The following EMC1 variants were observed in gnomAD, a reference collection of about 807,000 sequenced individuals.
The protein encoded by EMC1 is KIAA0090.
EMC1 carries 103 observed loss-of-function variants against 128.8 expected under a neutral mutation model. That is an observed-to-expected ratio of 0.80 (90% CI 0.68 to 0.94). The LOEUF (loss-of-function observed/expected upper bound fraction) is 0.94. EMC1 is among the 40% of genes least tolerant of loss of function. The pLI is 0.00. For synonymous variants in EMC1, 442 were observed against 490.4 expected, an observed-to-expected ratio of 0.90 and a Z score of 1.30; for missense variants, 1,083 against 1,250.6, an observed-to-expected ratio of 0.87 and a Z score of 2.02.
rs969292685 is a variant in EMC1 at position 19,220,922 on chromosome 1, C to T, written c.2588-74G>A. 33 of 1,072,452 alleles carry T rather than the reference C, an allele frequency of 3.1e-5. No homozygotes were observed. In the East Asian group the frequency reaches 7.6e-4, roughly 25 times the overall value. The allele number at this position is 1,072,452 out of a possible 1,614,324, so 66.4% of individuals were successfully genotyped here. Reference sequence around the variant, plus strand: ...GCCAGTTACAAAAATGTCATTATTGCAGACATTTAAATAAGAATTTAAAAC... The same window carrying T: ...GCCAGTTACAAAAATGTCATTATTGTAGACATTTAAATAAGAATTTAAAAC... On this transcript the variant is annotated intron_variant, in intron 20 of 22. Transcript: ENST00000477853.
chr1:19,230,865 C>G lies in EMC1; in HGVS notation c.2043G>C (p.Leu681=). The G allele has an allele frequency of 6.2e-7, 1 of 1,614,212 alleles. No individual in the cohort carries two copies. The highest frequency in any genetic ancestry group is 8.5e-7 in the Non-Finnish European group (1 of 1,180,038). The change falls in exon 17 of 23, where the codon CTG becomes CTC. Residue 681 remains leucine, a synonymous_variant. Transcript: ENST00000477853. ...CTACCTTTCGAAGCCGATATCCACA[C>G]AGCCGTCCCTGCTCTGCATCCACCA... The part of the protein sequence containing the change: ...FYLVDAEQGR[L]CGYRLRKDLT...
Position 19,232,687 on chromosome 1 carries a change from C to T in EMC1, c.1719G>A (p.Met573Ile). Residue 573 changes from methionine to isoleucine, a missense_variant, in exon 15 of 23, where the codon ATG becomes ATA. Transcript: ENST00000477853. Reference protein sequence around the residue: ...NVKPDSSFKLMVQRTTAHFPH... With the variant: ...NVKPDSSFKLIVQRTTAHFPH... ...GGAAATGAGCAGTAGTTCTCTGGAC[C>T]ATCAGTTTAAAGGAGGAGTCTGGCT... is the stretch of plus-strand genomic sequence containing the variant. 6.2e-7 allele frequency: 1 copy of T among 1,614,164 alleles called. No individual in the cohort carries two copies. The highest frequency in any genetic ancestry group is 8.5e-7 in the Non-Finnish European group (1 of 1,180,020).
chr1:19,224,928 T>C (rs1178935703), intron 18 of EMC1, among the ~76,000 whole-genome samples: 2 of 152,184 alleles, frequency 1.3e-5, no homozygotes, highest in Admixed American at 1.3e-4. Flanking sequence ...TCCCCGCAGC[T>C]ACCCACACAA....
Position 19,219,565 on chromosome 1 carries a change from T to C in EMC1, c.2802+4A>G, listed in dbSNP as rs922706368. ...GAAATAGGGCAGCTGTGGGCTCTAC[T>C]CACCAAACAAGTGGACTCCAGACCC... On this transcript the variant is annotated splice_donor_region_variant and intron_variant, in intron 22 of 22. Coordinates refer to ENST00000477853, the MANE Select transcript of EMC1 (RefSeq NM_015047.3). 6.2e-7 allele frequency: 1 copy of C among 1,614,086 alleles called. No homozygotes were observed.
At position 19,235,175 on chromosome 1, in the gene EMC1, T is replaced by A; in HGVS notation, c.1387A>T (p.Thr463Ser). Reference protein sequence around the residue: ...VCLEMVDLPLTGAQAELEGEF... With the variant: ...VCLEMVDLPLSGAQAELEGEF... ...CCTTCCAGCTCGGCCTGTGCCCCAG[T>A]CAGGGGGAGGTCCACCATCTCTAGG... The change falls in exon 13 of 23, where the codon ACT (threonine) becomes TCT (serine). Residue 463 changes from threonine (T) to serine (S), a missense_variant. Transcript: ENST00000477853. 6.2e-7 allele frequency: 1 copy of A among 1,614,056 alleles called. No homozygotes were observed. Among genetic ancestry groups the A allele is most frequent in the Non-Finnish European group, 8.5e-7 (1 of 1,179,970 alleles).
intron 13 of EMC1, among the ~76,000 whole-genome samples, chr1:19,234,839 CTT>C (rs927445556): frequency 1.3e-5 from 2 of 151,190 alleles, no homozygotes; most frequent in African/African-American, 2.4e-5. Context: ...GAGCGAGACT[CTT>C]GTCTCAAAAA....
intron 2 of EMC1, 75 bp downstream of exon 2, chr1:19,244,831 C>T: frequency 1.3e-6 from 2 of 1,556,546 alleles, no homozygotes; most frequent in Admixed American, 1.7e-5. Flanking sequence ...ATTCAGGAAT[C>T]AGCCAGGCAG....
chr1:19,215,961 T>C lies in EMC1; in HGVS notation c.*3342A>G, dbSNP rs3208935. Reference sequence around the variant, plus strand: ...GCCTTGGCCTCCCAAAGTGCTGGGATTATAGGCTTGAGCCACCATGCCTCG... The same window carrying C: ...GCCTTGGCCTCCCAAAGTGCTGGGACTATAGGCTTGAGCCACCATGCCTCG... On this transcript the variant is annotated 3_prime_UTR_variant, in exon 23 of 23. Transcript: ENST00000477853. 2.0e-5 allele frequency: 3 copies of C among 152,156 alleles called. No individual in the cohort carries two copies. Among genetic ancestry groups the C allele is most frequent in the Non-Finnish European group, 4.4e-5 (3 of 68,026 alleles). The allele number at this position is 152,156 out of a possible 1,614,324, so 9.4% of individuals were successfully genotyped here. A position where few individuals can be genotyped will look rare whatever the true frequency, so the allele number is the denominator to read the frequency against.
chr1:19,238,243 G>A (rs1572015462), intron 10 of EMC1, 104 bp from the exon 11 acceptor site: 16 of 1,286,860 alleles, frequency 1.2e-5, no homozygotes, highest in Non-Finnish European at 1.7e-5. Context: ...GAAGGAGCCA[G>A]GCCAGAAGGG....
chr1:19,238,010 G>A lies in EMC1; in HGVS notation c.1212+7C>T. On this transcript the variant is annotated splice_region_variant and intron_variant, in intron 11 of 22. Transcript: ENST00000477853. ...AGGACAGTCTGCAAAGAAAGGCTCT[G>A]CCTTACCCGCTCAGGCCGAGTGCCG... 1 of 1,613,038 alleles carries A rather than the reference G, an allele frequency of 6.2e-7. No individual in the cohort carries two copies. The highest frequency in any genetic ancestry group is 8.5e-7 in the Non-Finnish European group (1 of 1,179,602).
chr1:19,236,695 C>T (rs780933186), intron 12 of EMC1, among the ~76,000 whole-genome samples: 27 of 147,650 alleles, frequency 1.8e-4, no homozygotes, highest in Non-Finnish European at 2.7e-4. Flanking sequence ...AGGCCAGGCA[C>T]GGTGGCTCAC....
intron 1 of EMC1, among the ~76,000 whole-genome samples, chr1:19,245,627 C>CTTT (rs539316345): frequency 2.4e-5 from 3 of 123,140 alleles, no homozygotes; most frequent in Non-Finnish European, 4.8e-5. Context: ...CCTTACCTTT[C>CTTT]TTTTTTTTTT....
chr1:19,217,611 T>C lies in EMC1; in HGVS notation c.*1692A>G, dbSNP rs1174089149. The C allele has an allele frequency of 6.6e-6, 1 of 152,178 alleles. No individual in the cohort carries two copies. The highest frequency in any genetic ancestry group is 1.5e-5 in the Non-Finnish European group (1 of 68,038). 9.4% of individuals were successfully genotyped at this position (152,178 alleles called of 1,614,324 possible). A position where few individuals can be genotyped will look rare whatever the true frequency, so the allele number is the denominator to read the frequency against. On this transcript the variant is annotated 3_prime_UTR_variant, in exon 23 of 23. Transcript: ENST00000477853. Reference sequence around the variant, plus strand: ...GACAAATACCTTCCCTCCCAGTAGCTTGTTTCAGATTCTGGCACACTGGTA... The same window carrying C: ...GACAAATACCTTCCCTCCCAGTAGCCTGTTTCAGATTCTGGCACACTGGTA...
At chr1:19,227,543 G>A in intron 17 of EMC1, 93 bp from the exon 18 acceptor site, 2 of 1,455,500 alleles carry the variant, frequency 1.4e-6, no homozygotes, top group Admixed American at 3.7e-5. Flanking sequence ...ATTATTTGAG[G>A]CCTTTGTGCA....
chr1:19,251,357 GAGAC>G, intron 1 of EMC1, 54 bp downstream of exon 1: 1 of 1,455,486 alleles, frequency 6.9e-7, no homozygotes, highest in Non-Finnish European at 9.6e-7. Context: ...TAGCAGGTAG[GAGAC>G]AGGTACTGGG....
chr1:19,243,827 C>T (rs2093619299), intron 3 of EMC1, 120 bp from the exon 4 acceptor site: 5 of 1,413,498 alleles, frequency 3.5e-6, no homozygotes, highest in Non-Finnish European at 5.0e-6. Flanking sequence ...TAAACAGGTA[C>T]CTGTCCTTCA....
At position 19,245,270 on chromosome 1, in the gene EMC1, T is replaced by G. The variant is rs149054897; in HGVS notation, c.96-240A>C. On this transcript the variant is annotated intron_variant, in intron 1 of 22. Coordinates refer to ENST00000477853, the MANE Select transcript of EMC1 (RefSeq NM_015047.3). Reference sequence around the variant, plus strand: ...CTGATCAACATGGAGAAACCCCGTCTGTCTCTATGAAAAATACAAAATTAG... The same window carrying G: ...CTGATCAACATGGAGAAACCCCGTCGGTCTCTATGAAAAATACAAAATTAG... Among the ~76,000 whole-genome samples the G allele has an allele frequency of 5.5e-3, 833 of 152,276 alleles. 4 individuals carry two copies. The highest frequency in any genetic ancestry group is 8.8e-3 in the Non-Finnish European group (599 of 68,022).
In EMC1 at chr1:19,239,821, TG is replaced by T. The variant is rs1265411161; in HGVS notation, c.950del (p.Pro317HisfsTer5). On this transcript the variant is annotated frameshift_variant, in exon 8 of 23. Coordinates refer to ENST00000477853, the MANE Select transcript of EMC1 (RefSeq NM_015047.3). LOFTEE classifies it high-confidence loss of function. ...YGTLSLLKNF[P>X]QTALVSFATT... ...AAACCATGTTGCCTGCAGTTACCTG[TG>T]GGAAGTTTTTAAGCAAACTCAGCGT... 6.2e-7 allele frequency: 1 copy of T among 1,613,668 alleles called. No homozygotes were observed. Among genetic ancestry groups the T allele is most frequent in the African/African-American group, 1.3e-5 (1 of 74,886 alleles).
rs2151952134 is a variant in EMC1, at chr1:19,235,138, T to C, written c.1424A>G (p.Lys475Arg). Residue 475 changes from lysine to arginine, a missense_variant, in exon 13 of 23, where the codon AAA becomes AGA. Lys to Arg is a conservative substitution (Grantham distance 26). Transcript: ENST00000477853. Reference sequence around the variant, plus strand: ...ACCTCTTAGGTTCATACCTGCCTTTTTGCCAAATTCTCCTTCCAGCTCGGC... The same window carrying C: ...ACCTCTTAGGTTCATACCTGCCTTTCTGCCAAATTCTCCTTCCAGCTCGGC... Reference protein sequence around the residue: ...AQAELEGEFGKKADGLLGMFL... With the variant: ...AQAELEGEFGRKADGLLGMFL... 1 of 1,613,810 alleles carries C rather than the reference T, an allele frequency of 6.2e-7. No homozygotes were observed. The highest frequency in any genetic ancestry group is 1.7e-4 in the Middle Eastern group (1 of 6,056).
Sources: allele counts gnomAD v4.1 joint callset (sites outside exome capture counted in the v4.1 genomes callset), GRCh38; gene constraint gnomAD v4.1.1; transcripts MANE v1.5; gene names NCBI Gene and HGNC (gene_info 2026-07-23, HGNC 2026-07-21).